The following CLTC variants were observed in gnomAD, a reference collection of about 807,000 sequenced individuals.
The protein encoded by CLTC is clathrin heavy chain 1.
A neutral mutation model predicts 195.8 loss-of-function variants in CLTC; 16 were observed. The ratio of observed to expected loss-of-function variants is 0.08; its 90% confidence interval spans 0.06 to 0.12. The LOEUF (loss-of-function observed/expected upper bound fraction) is 0.12, where lower values mean the gene tolerates loss of function less well. Among genes scored for constraint, CLTC ranks in the 10% least tolerant of loss-of-function variants. The pLI is 1.00. For missense variants in CLTC, 796 were observed against 2,027.0 expected, an observed-to-expected ratio of 0.39 and a Z score of 11.66; for synonymous variants, 667 against 689.4, an observed-to-expected ratio of 0.97 and a Z score of 0.51.
At chr17:59,647,345 T>G in intron 2 of CLTC, 53 bp from the exon 3 acceptor site, 3 of 1,414,834 alleles carry the variant, frequency 2.1e-6, no homozygotes, top group Non-Finnish European at 2.0e-6. Flanking sequence ...AGGTAGGTAT[T>G]CATTCTAAAC....
At chr17:59,632,535 C>T (rs370062078) in intron 1 of CLTC, among the ~76,000 whole-genome samples, 4 of 151,970 alleles carry the variant, frequency 2.6e-5, no homozygotes, top group African/African-American at 4.8e-5. Context: ...AAAACAAACT[C>T]GGGAGGCCAA....
chr17:59,670,863 G>A (rs1218105723), intron 14 of CLTC: 1 of 152,178 alleles, frequency 6.6e-6, no homozygotes, highest in Non-Finnish European at 1.5e-5. Flanking sequence ...GTACAAGCCT[G>A]ATATAGTAGG....
intron 1 of CLTC, among the ~76,000 whole-genome samples, chr17:59,629,845 TAAGAGA>T (rs915754014): frequency 1.3e-4 from 20 of 150,670 alleles, no homozygotes; most frequent in Non-Finnish European, 1.5e-5. Context: ...CATAGAAAGA[TAAGAGA>T]AAAACAACTC....
In CLTC at chr17:59,683,983, C is replaced by G; in HGVS notation, c.4432C>G (p.Gln1478Glu). Reference sequence around the variant, plus strand: ...TCTTTTTATTACAGAAGAAGATTATCAGGTAAAACCTTTTGATTCTTGCAC... The same window carrying G: ...TCTTTTTATTACAGAAGAAGATTATGAGGTAAAACCTTTTGATTCTTGCAC... ...NNLFITEEDYQALRTSIDAYD... is the reference protein window; with the variant it reads ...NNLFITEEDYEALRTSIDAYD... The change falls in exon 28 of 32, where the codon CAG (glutamine) becomes GAG (glutamate). Residue 1478 changes from glutamine to glutamate, a missense_variant and splice_region_variant. Physicochemically the swap from Gln to Glu is conservative, Grantham distance 29. This residue lies in a region of CLTC where 148 missense variants were observed against 279.5 expected (regional missense o/e 0.53). Transcript: ENST00000269122. The surrounding 1 kb of genome is among the most constrained non-coding windows in gnomAD (Gnocchi z 6.1). 6 of 1,540,196 alleles carry G rather than the reference C, an allele frequency of 3.9e-6. No individual in the cohort carries two copies. The highest frequency in any genetic ancestry group is 5.4e-6 in the Non-Finnish European group (6 of 1,113,884).
At position 59,690,856 on chromosome 17, in the gene CLTC, T is replaced by C. The variant is rs1160173835; in HGVS notation, c.4903+145T>C. ...GCTCTCTACTGTCTGATTTTTTTTCTGAGAAGTCATAAAGCAGGTGTTGAT... is the reference window on the plus strand; with the variant it reads ...GCTCTCTACTGTCTGATTTTTTTTCCGAGAAGTCATAAAGCAGGTGTTGAT... On this transcript the variant is annotated intron_variant, in intron 31 of 31. Transcript: ENST00000269122. The C allele has an allele frequency of 2.3e-5, 12 of 518,532 alleles. No individual in the cohort carries two copies. The Admixed American group carries it at 4.6e-4, about 20-fold the overall frequency. 32.1% of individuals were successfully genotyped at this position (518,532 alleles called of 1,614,324 possible).
intron 1 of CLTC, among the ~76,000 whole-genome samples, chr17:59,634,329 A>G (rs747270135): frequency 6.6e-5 from 10 of 152,206 alleles, no homozygotes; most frequent in African/African-American, 1.2e-4. Flanking sequence ...TACGGGGGGC[A>G]TAATCTTGGT....
intron 17 of CLTC, among the ~76,000 whole-genome samples, chr17:59,677,760 T>C: frequency 6.6e-6 from 1 of 152,234 alleles, no homozygotes; most frequent in Non-Finnish European, 1.5e-5. Flanking sequence ...GAATGGTTCT[T>C]CAGTCTTTTG....
chr17:59,666,455 A>G lies in CLTC; in HGVS notation c.1783-25A>G, dbSNP rs144006606. 1.3e-5 allele frequency: 21 copies of G among 1,607,838 alleles called. No individual in the cohort carries two copies. In the East Asian group the frequency reaches 4.7e-4, roughly 36 times the overall value. On this transcript the variant is annotated intron_variant, in intron 11 of 31. Coordinates refer to ENST00000269122, the MANE Select transcript of CLTC (RefSeq NM_004859.4). The surrounding 1 kb of genome is among the most constrained non-coding windows in gnomAD (Gnocchi z 4.9). ...CTCATGTAAGTGGAGTGGACAATAA[A>G]CTTGCCTTGTTTGTGGTTTTACAGG...
intron 13 of CLTC, among the ~76,000 whole-genome samples, 183 bp from the exon 14 acceptor site, chr17:59,668,594 G>A (rs2032781536): frequency 1.3e-5 from 2 of 152,116 alleles, no homozygotes; most frequent in South Asian, 4.1e-4. Context: ...TATTCTTCAG[G>A]ATTAAAGTGC....
intron 1 of CLTC, among the ~76,000 whole-genome samples, chr17:59,641,660 A>T (rs562058141): frequency 5.0e-4 from 74 of 147,176 alleles, no homozygotes; most frequent in African/African-American, 1.8e-3. Context: ...TTAATTTTGC[A>T]TTTTTTAAAT....
rs2031308042 is a variant in CLTC at position 59,620,024 on chromosome 17, T to G, written c.-108T>G. On this transcript the variant is annotated 5_prime_UTR_variant, in exon 1 of 32. Transcript: ENST00000269122. ...CCTGCGTCCCCGGAGAGGATCCTGC[T>G]GAGCCCAGCCTCCCCCCTCCCCTTC... is the stretch of plus-strand genomic sequence containing the variant. 3 of 976,546 alleles carry G rather than the reference T, an allele frequency of 3.1e-6. No homozygotes were observed. In the Admixed American group the frequency reaches 6.3e-5, roughly 21 times the overall value. The allele number at this position is 976,546 out of a possible 1,614,324, so 60.5% of individuals were successfully genotyped here. A position where few individuals can be genotyped will look rare whatever the true frequency, so the allele number is the denominator to read the frequency against.
Position 59,624,454 on chromosome 17 carries a change from CTTTTTTTTTTTTTTTT to C in CLTC, c.42+4291_42+4306del, listed in dbSNP as rs5821272. 2.4e-4 allele frequency among the ~76,000 whole-genome samples: 24 copies of C among 98,140 alleles called. No homozygotes were observed. In the South Asian group the frequency reaches 4.0e-3, roughly 17 times the overall value. 64.4% of individuals were successfully genotyped at this position (98,140 alleles called of 152,430 possible). On this transcript the variant is annotated intron_variant, in intron 1 of 31. Coordinates refer to ENST00000269122, the MANE Select transcript of CLTC (RefSeq NM_004859.4). ...ATAGAAAAATAATATGAGCCACATA[CTTTTTTTTTTTTTTTT>C]TTTTTTTTTGAGACAGAGTCTCACT... is the stretch of plus-strand genomic sequence containing the variant.
At chr17:59,630,343 C>T (rs2031676192) in intron 1 of CLTC, among the ~76,000 whole-genome samples, 1 of 152,144 alleles carries the variant, frequency 6.6e-6, no homozygotes, top group Non-Finnish European at 1.5e-5. Flanking sequence ...AGCAAAATGA[C>T]TAGTTGAATT....
chr17:59,638,928 G>C (rs1413389112), intron 1 of CLTC, among the ~76,000 whole-genome samples: 1 of 152,152 alleles, frequency 6.6e-6, no homozygotes, highest in Non-Finnish European at 1.5e-5. Flanking sequence ...AGTTGGAATG[G>C]AGAAGGAAGG....
At chr17:59,621,564 C>T (rs1291656171) in intron 1 of CLTC, among the ~76,000 whole-genome samples, 1 of 152,182 alleles carries the variant, frequency 6.6e-6, no homozygotes, top group African/African-American at 2.4e-5. Context: ...CATGTTTGCA[C>T]TAGCAAGGAC....
At chr17:59,672,774 A>T (rs1598232667) in intron 14 of CLTC, among the ~76,000 whole-genome samples, 1 of 152,282 alleles carries the variant, frequency 6.6e-6, no homozygotes, top group East Asian at 1.9e-4. Flanking sequence ...TAACCTTGAA[A>T]ATAATGTTCT....
rs1031451621 is a variant in CLTC at position 59,674,612 on chromosome 17, C to A, written c.2419-89C>A. On this transcript the variant is annotated intron_variant, in intron 15 of 31. Transcript: ENST00000269122. ...TGAACTTAAAGAAAAAAAAACTGAG[C>A]TTAAAAGCGATAGAGATAAATGCTT... 4.1e-6 allele frequency: 5 copies of A among 1,228,236 alleles called. 1 individual carries two copies. The East Asian group carries it at 1.1e-4, about 26-fold the overall frequency. The allele number at this position is 1,228,236 out of a possible 1,614,324, so 76.1% of individuals were successfully genotyped here.
chr17:59,685,900 T>C lies in CLTC; in HGVS notation c.4827+92T>C. ...TTTTTTTAAATGCTTTTTTCTTTAG[T>C]AGAAGTAAGTCATTTAGTCGATCAT... On this transcript the variant is annotated intron_variant, in intron 30 of 31. Transcript: ENST00000269122. The surrounding 1 kb of genome is among the most constrained non-coding windows in gnomAD (Gnocchi z 5.0). The C allele has an allele frequency of 1.0e-6, 1 of 984,264 alleles. No homozygotes were observed. Among genetic ancestry groups the C allele is most frequent in the Non-Finnish European group, 1.5e-6 (1 of 667,380 alleles). 61.0% of individuals were successfully genotyped at this position (984,264 alleles called of 1,614,324 possible).
At position 59,682,071 on chromosome 17, in the gene CLTC, T is replaced by C. The variant is rs1304083862; in HGVS notation, c.3443-200T>C. ...AAGTCTCATAAAATCCTGATAGTGC[T>C]CTAATCTTAAAACTTTAAGGAAAAA... On this transcript the variant is annotated intron_variant, in intron 21 of 31. Coordinates refer to ENST00000269122, the MANE Select transcript of CLTC (RefSeq NM_004859.4). This position sits in a 1 kb window ranked among gnomAD's most constrained non-coding sequence, Gnocchi z 6.8. Among the ~76,000 whole-genome samples the C allele has an allele frequency of 6.6e-6, 1 of 152,198 alleles. No homozygotes were observed. Among genetic ancestry groups the C allele is most frequent in the Non-Finnish European group, 1.5e-5 (1 of 68,032 alleles).
Sources: gnomAD v4.1 joint callset for allele counts (sites outside exome capture counted in the v4.1 genomes callset) on GRCh38, gnomAD v4.1.1 for gene constraint, gnomAD v4.1.1 regional missense constraint, Gnocchi (gnomAD v3.1) non-coding constraint, MANE v1.5 for transcripts, NCBI Gene and HGNC (gene_info 2026-07-23, HGNC 2026-07-21) for gene names.